Variants in MEAK7 observed in about 807,000 individuals in gnomAD.
MEAK7 encodes MTOR associated protein MEAK7, also known as MTOR-associated protein MEAK7.
A neutral mutation model predicts 40.5 loss-of-function variants in MEAK7; 68 were observed. The observed-to-expected ratio is 1.68, with a 90% CI of 1.38 to 2.06. The LOEUF (loss-of-function observed/expected upper bound fraction) is 2.06. MEAK7 is among the 30% of genes most tolerant of loss of function. MEAK7 has a pLI of 0.00. For missense variants in MEAK7, 918 were observed against 580.5 expected, an observed-to-expected ratio of 1.58 and a Z score of -5.98; for synonymous variants, 338 against 231.9, an observed-to-expected ratio of 1.46 and a Z score of -4.16.
intron 4 of MEAK7, among the ~76,000 whole-genome samples, chr16:84,488,690 C>G (rs28451286): frequency 6.6e-6 from 1 of 151,968 alleles, no homozygotes; most frequent in East Asian, 1.9e-4. Context: ...TGTTACATAG[C>G]CAGTAGGCCA....
chr16:84,486,889 G>A lies in MEAK7; in HGVS notation c.700C>T (p.Arg234Cys), dbSNP rs201558915. 3.2e-4 allele frequency: 520 copies of A among 1,614,156 alleles called. 1 individual carries two copies. Among genetic ancestry groups the A allele is most frequent in the Middle Eastern group, 4.9e-4 (3 of 6,062 alleles). ...SLDLTTLVPE[R>C]QVDQGRGFES... The stretch of plus-strand genomic sequence containing the variant: ...AAACCCCTGCCCTGGTCCACTTGAC[G>A]CTCAGGGACCAGGGTAGTCAGATCA... The change falls in exon 5 of 8, where the codon CGT becomes TGT. Residue 234 changes from arginine to cysteine, a missense_variant. Physicochemically the swap from Arg to Cys is radical, Grantham distance 180 (BLOSUM62 -3). Coordinates refer to ENST00000343629, the MANE Select transcript of MEAK7 (RefSeq NM_020947.4).
chr16:84,486,836 G>A lies in MEAK7; in HGVS notation c.753C>T (p.Val251=), dbSNP rs753290778. The A allele has an allele frequency of 2.5e-6, 4 of 1,614,172 alleles. No individual in the cohort carries two copies. Among genetic ancestry groups the A allele is most frequent in the Middle Eastern group, 1.6e-4 (1 of 6,062 alleles). The part of the protein sequence containing the change: ...GFESILDVLS[V]MYINAQLPRE... ...GAGGCAGCTGGGCGTTGATGTACAT[G>A]ACAGAGAGGACATCCAGGATGCTCT... The change falls in exon 5 of 8, where the codon GTC becomes GTT. Residue 251 remains valine (V), a synonymous_variant. Coordinates refer to ENST00000343629, the MANE Select transcript of MEAK7 (RefSeq NM_020947.4).
At chr16:84,501,424 G>C (rs12933519) in intron 1 of MEAK7, among the ~76,000 whole-genome samples, 53,866 of 151,874 alleles carry the variant, frequency 0.35, 10,011 homozygotes, top group East Asian at 0.61. Context: ...CCCACTTTCT[G>C]CCAGAAACAG....
In MEAK7 at chr16:84,486,736, G is replaced by A. The variant is rs1480562134; in HGVS notation, c.853C>T (p.His285Tyr). The change falls in exon 5 of 8, where the codon CAC (histidine) becomes TAC (tyrosine). Residue 285 changes from histidine (H) to tyrosine (Y), a missense_variant. His to Tyr is a moderately conservative substitution (Grantham distance 83, BLOSUM62 2). Transcript: ENST00000343629. ...ACACAGGGTCCCCGGTGAGTGATGTGGCCACAGAGCTGGGAGAAGCTGTGT... is the reference window on the plus strand; with the variant it reads ...ACACAGGGTCCCCGGTGAGTGATGTAGCCACAGAGCTGGGAGAAGCTGTGT... ...HGHSFSQLCG[H>Y]ITHRGPCVAV... 6.2e-7 allele frequency: 1 copy of A among 1,613,950 alleles called. No homozygotes were observed. Among genetic ancestry groups the A allele is most frequent in the South Asian group, 1.1e-5 (1 of 91,080 alleles).
At chr16:84,497,650 G>A (rs1258648672) in intron 2 of MEAK7, 1 of 1,418,380 alleles carries the variant, frequency 7.1e-7, no homozygotes, top group Non-Finnish European at 9.3e-7. Flanking sequence ...GTTCCTTTCT[G>A]TAGTACAGAT....
Position 84,497,927 on chromosome 16 carries a change from C to T in MEAK7, c.153+7G>A, listed in dbSNP as rs775347814. On this transcript the variant is annotated splice_region_variant and intron_variant, in intron 2 of 7. Transcript: ENST00000343629. ...ACTAAACATGAACCACGGGTTGTTA[C>T]TCTTGCCTGTAGTGCCTTCAGAGAG... The T allele has an allele frequency of 6.2e-7, 1 of 1,614,212 alleles. No homozygotes were observed. Among genetic ancestry groups the T allele is most frequent in the South Asian group, 1.1e-5 (1 of 91,076 alleles).
At position 84,486,830 on chromosome 16, in the gene MEAK7, G is replaced by A. The variant is rs1160256226; in HGVS notation, c.759C>T (p.Tyr253=). The change falls in exon 5 of 8, where the codon TAC becomes TAT. Residue 253 remains tyrosine (Y), a synonymous_variant. Transcript: ENST00000343629. ...GCTCCCGAGGCAGCTGGGCGTTGATGTACATGACAGAGAGGACATCCAGGA... is the reference window on the plus strand; with the variant it reads ...GCTCCCGAGGCAGCTGGGCGTTGATATACATGACAGAGAGGACATCCAGGA... The part of the protein sequence containing the change: ...ESILDVLSVM[Y]INAQLPREQR... 4 of 1,614,076 alleles carry A rather than the reference G, an allele frequency of 2.5e-6. No individual in the cohort carries two copies. Among genetic ancestry groups the A allele is most frequent in the Admixed American group, 1.7e-5 (1 of 60,006 alleles).
chr16:84,500,804 A>G (rs1914434799), intron 1 of MEAK7, among the ~76,000 whole-genome samples: 1 of 152,154 alleles, frequency 6.6e-6, no homozygotes, highest in Non-Finnish European at 1.5e-5. Context: ...ACACAGCCCA[A>G]GCAGCCAAAA....
In MEAK7 at chr16:84,479,354, C is replaced by A. The variant is rs924594632; in HGVS notation, c.*559G>T. On this transcript the variant is annotated 3_prime_UTR_variant, in exon 8 of 8. Transcript: ENST00000343629. ...GCCATATGAACCCCAGCGGGAGGAACCCCCTCCTCAATAGAGAAGTTGAGA... is the reference window on the plus strand; with the variant it reads ...GCCATATGAACCCCAGCGGGAGGAAACCCCTCCTCAATAGAGAAGTTGAGA... 1.3e-5 allele frequency: 2 copies of A among 152,216 alleles called. No individual in the cohort carries two copies. Among genetic ancestry groups the A allele is most frequent in the Non-Finnish European group, 2.9e-5 (2 of 68,046 alleles). The allele number at this position is 152,216 out of a possible 1,614,324, so 9.4% of individuals were successfully genotyped here.
In MEAK7 at chr16:84,496,437, C is replaced by A. The variant is rs150667169; in HGVS notation, c.154-524G>T. ...AGCTACCCCTCCCTCCGTCTCTGTA[C>A]AGGGGAGCCTCTTCCTTCCGCCTTC... On this transcript the variant is annotated intron_variant, in intron 2 of 7. Transcript: ENST00000343629. Among the ~76,000 whole-genome samples the A allele has an allele frequency of 4.3e-4, 66 of 152,302 alleles. 2 individuals carry two copies. In the East Asian group the frequency reaches 9.1e-3, roughly 21 times the overall value.
In MEAK7 at chr16:84,482,127, C is replaced by G. The variant is rs568807324; in HGVS notation, c.1077+465G>C. 2.6e-5 allele frequency among the ~76,000 whole-genome samples: 4 copies of G among 152,248 alleles called. No individual in the cohort carries two copies. The South Asian group carries it at 8.3e-4, about 32-fold the overall frequency. ...CCCCGCTTCCCCCTGCTTCCTGTGC[C>G]ATGTCACCAAGCTGAAGCGAGGGCT... On this transcript the variant is annotated intron_variant, in intron 6 of 7. Transcript: ENST00000343629.
chr16:84,497,234 G>A, intron 2 of MEAK7: 1 of 367,164 alleles, frequency 2.7e-6, no homozygotes, highest in Non-Finnish European at 5.1e-6. Flanking sequence ...AAGATGAGCT[G>A]ACGGCATCTC....
At chr16:84,496,675 T>A (rs1475734282) in intron 2 of MEAK7, among the ~76,000 whole-genome samples, 5 of 152,208 alleles carry the variant, frequency 3.3e-5, no homozygotes, top group Admixed American at 3.3e-4. Context: ...TGCTCCTGCA[T>A]CACCAGGATG....
intron 5 of MEAK7, 41 bp downstream of exon 5, chr16:84,486,590 G>A (rs778674887): frequency 3.0e-5 from 46 of 1,551,716 alleles, no homozygotes; most frequent in South Asian, 2.6e-4. Context: ...CTCTTTGCCC[G>A]TGCTGTGCCA....
chr16:84,497,367 T>C, intron 2 of MEAK7: 5 of 1,226,664 alleles, frequency 4.1e-6, no homozygotes, highest in Non-Finnish European at 5.3e-6. Context: ...GAATCTAAAA[T>C]GTGATTATTT....
chr16:84,491,504 A>T (rs1913598901), intron 3 of MEAK7, among the ~76,000 whole-genome samples: 1 of 144,656 alleles, frequency 6.9e-6, no homozygotes, highest in Non-Finnish European at 1.5e-5. Flanking sequence ...GTGCCACTGC[A>T]CTCCAGACTG....
chr16:84,481,936 GA>G (rs1268627295), intron 6 of MEAK7, among the ~76,000 whole-genome samples: 3 of 151,470 alleles, frequency 2.0e-5, no homozygotes, highest in Non-Finnish European at 2.9e-5. Context: ...ATCTCAAAAA[GA>G]AAAAAAAGAA....
chr16:84,501,255 G>C (rs1298727584), intron 1 of MEAK7, among the ~76,000 whole-genome samples: 2 of 152,144 alleles, frequency 1.3e-5, no homozygotes, highest in East Asian at 3.9e-4. Context: ...TGATTCACCA[G>C]GAAGTGGGAA....
At position 84,481,363 on chromosome 16, in the gene MEAK7, C is replaced by T. The variant is rs866547348; in HGVS notation, c.1078-655G>A. On this transcript the variant is annotated intron_variant, in intron 6 of 7. Coordinates refer to ENST00000343629, the MANE Select transcript of MEAK7 (RefSeq NM_020947.4). Reference sequence around the variant, plus strand: ...CCTTGGGCAACCAGAGACCCGAGCACACTGCCCAGAGTTGACACGCGGAGC... The same window carrying T: ...CCTTGGGCAACCAGAGACCCGAGCATACTGCCCAGAGTTGACACGCGGAGC... Among the ~76,000 whole-genome samples the T allele has an allele frequency of 2.6e-5, 4 of 152,206 alleles. No homozygotes were observed. The South Asian group carries it at 6.2e-4, about 24-fold the overall frequency.
Sources: gnomAD v4.1 joint callset for allele counts (sites outside exome capture counted in the v4.1 genomes callset) on GRCh38, gnomAD v4.1.1 for gene constraint, MANE v1.5 for transcripts, NCBI Gene and HGNC (gene_info 2026-07-23, HGNC 2026-07-21) for gene names.